Variants in ZNRF2 observed in about 807,000 individuals in gnomAD.
The protein encoded by ZNRF2 is zinc and ring finger 2.
Under a neutral mutation model 20.4 loss-of-function variants are expected in ZNRF2, and 16 were observed. That is an observed-to-expected ratio of 0.79 (90% CI 0.53 to 1.19). ZNRF2 has a LOEUF of 1.19. Among genes scored for constraint, ZNRF2 ranks in the 50% most tolerant of loss-of-function variants. The pLI is 0.00. For synonymous variants in ZNRF2, 178 were observed against 144.9 expected (o/e 1.23, Z -1.64); for missense variants, 363 against 332.4 (o/e 1.09, Z -0.72).
At chr7:30,362,286 AT>A in intron 3 of ZNRF2, 90 bp from the exon 4 acceptor site, 1 of 814,500 alleles carries the variant, frequency 1.2e-6, no homozygotes, top group Middle Eastern at 3.9e-4. Flanking sequence ...TCTGTAAAAA[AT>A]ATATTAAAGT....
At chr7:30,338,340 G>A (rs938321909) in intron 2 of ZNRF2, among the ~76,000 whole-genome samples, 1 of 150,890 alleles carries the variant, frequency 6.6e-6, no homozygotes, top group Non-Finnish European at 1.5e-5. Flanking sequence ...TGTTACATAG[G>A]TATACATGTG....
intron 1 of ZNRF2, among the ~76,000 whole-genome samples, chr7:30,314,536 AAGTT>A (rs1361362079): frequency 3.3e-5 from 5 of 152,042 alleles, no homozygotes; most frequent in Admixed American, 3.3e-4. Flanking sequence ...GATGGACAGA[AAGTT>A]GATTGATGGG....
intron 1 of ZNRF2, among the ~76,000 whole-genome samples, chr7:30,315,386 A>G (rs1382596012): frequency 1.3e-5 from 2 of 152,142 alleles, no homozygotes; most frequent in Admixed American, 1.3e-4. Context: ...ATGCTATGAG[A>G]GAGATCTGGT....
chr7:30,310,853 CCCTGTCCTGTCCTGTCCTGTCCTGT>C (rs70980596), intron 1 of ZNRF2, among the ~76,000 whole-genome samples: 1 of 151,230 alleles, frequency 6.6e-6, no homozygotes, highest in South Asian at 2.1e-4. Context: ...ACATCTGAGC[CCCTGTCCTGTCCTGTCCTGTCCTGT>C]CCTGTCTTGT....
chr7:30,329,580 A>T (rs751461647), intron 2 of ZNRF2, among the ~76,000 whole-genome samples: 2 of 152,126 alleles, frequency 1.3e-5, no homozygotes, highest in Non-Finnish European at 2.9e-5. Context: ...TGCCTGGCTT[A>T]TTTCACTTAA....
At chr7:30,341,048 C>T (rs976341693) in intron 2 of ZNRF2, among the ~76,000 whole-genome samples, 5 of 152,168 alleles carry the variant, frequency 3.3e-5, no homozygotes, top group Non-Finnish European at 7.4e-5. Flanking sequence ...ATAGTATTCT[C>T]TGATGGTAGT....
intron 2 of ZNRF2, 82 bp from the exon 3 acceptor site, chr7:30,355,646 T>G (rs935190027): frequency 8.8e-7 from 1 of 1,135,398 alleles, no homozygotes; most frequent in African/African-American, 1.5e-5. Context: ...ATCACAACTT[T>G]TTATCAGTTA....
At chr7:30,364,304 G>GT (rs1800176538) in intron 4 of ZNRF2, among the ~76,000 whole-genome samples, 1 of 152,180 alleles carries the variant, frequency 6.6e-6, no homozygotes. Context: ...AGACTGCAGA[G>GT]TACTAAAAGA....
intron 1 of ZNRF2, chr7:30,289,008 G>A (rs1798847876): frequency 6.6e-6 from 1 of 152,170 alleles, no homozygotes; most frequent in African/African-American, 2.4e-5. Flanking sequence ...GATGAATTGG[G>A]CTATAGAAAT....
At chr7:30,362,822 C>T (rs1406801413) in intron 4 of ZNRF2, among the ~76,000 whole-genome samples, 1 of 151,698 alleles carries the variant, frequency 6.6e-6, no homozygotes, top group Non-Finnish European at 1.5e-5. Flanking sequence ...GGCTGAGGTA[C>T]AAGAATCACT....
intron 2 of ZNRF2, among the ~76,000 whole-genome samples, chr7:30,347,893 G>C (rs1230150917): frequency 1.3e-5 from 2 of 152,138 alleles, no homozygotes; most frequent in African/African-American, 4.8e-5. Flanking sequence ...AGATTTCTCA[G>C]TTGTTCATGT....
At chr7:30,330,890 A>T (rs1799627245) in intron 2 of ZNRF2, among the ~76,000 whole-genome samples, 1 of 152,072 alleles carries the variant, frequency 6.6e-6, no homozygotes, top group Admixed American at 6.6e-5. Flanking sequence ...CTCTGATTTG[A>T]CGTCTCTGTT....
chr7:30,349,522 TG>T (rs1319924705), intron 2 of ZNRF2, among the ~76,000 whole-genome samples: 1 of 152,072 alleles, frequency 6.6e-6, no homozygotes, highest in East Asian at 1.9e-4. Context: ...AGGTAGGTAC[TG>T]TTATCCTGTT....
intron 2 of ZNRF2, among the ~76,000 whole-genome samples, chr7:30,346,170 ATTTTTTTTTTTTTTTTTT>A (rs70980598): frequency 0.01 from 246 of 23,718 alleles, 1 homozygote; most frequent in African/African-American, 0.017. Context: ...GTTAAGTCTG[ATTTTTTTTTTTTTTTTTT>A]TTTTTTTTTT....
intron 2 of ZNRF2, among the ~76,000 whole-genome samples, chr7:30,331,702 G>A (rs1799637237): frequency 6.6e-6 from 1 of 152,174 alleles, no homozygotes; most frequent in Non-Finnish European, 1.5e-5. Flanking sequence ...GATTGAAAGA[G>A]CGCAGTGATC....
intron 1 of ZNRF2, among the ~76,000 whole-genome samples, chr7:30,321,330 G>A (rs996729140): frequency 1.3e-5 from 2 of 152,062 alleles, no homozygotes; most frequent in Non-Finnish European, 2.9e-5. Context: ...GAATTATTTA[G>A]TGAGAATTGG....
intron 2 of ZNRF2, among the ~76,000 whole-genome samples, chr7:30,330,339 C>T (rs1562614883): frequency 6.6e-6 from 1 of 152,154 alleles, no homozygotes; most frequent in Admixed American, 6.5e-5. Flanking sequence ...CAAGATGTGA[C>T]TATTACCCTG....
chr7:30,359,615 CTTAGT>C (rs1055983166), intron 3 of ZNRF2, among the ~76,000 whole-genome samples: 13 of 152,184 alleles, frequency 8.5e-5, no homozygotes, highest in Admixed American at 4.6e-4. Flanking sequence ...TGTTCTTACT[CTTAGT>C]TTAATTAGAC....
At chr7:30,339,930 C>CT (rs1775136849) in intron 2 of ZNRF2, among the ~76,000 whole-genome samples, 1 of 152,114 alleles carries the variant, frequency 6.6e-6, no homozygotes, top group Non-Finnish European at 1.5e-5. Flanking sequence ...TGTGTCCTCT[C>CT]TTATGTCCTT....
Sources: allele counts gnomAD v4.1 joint callset (sites outside exome capture counted in the v4.1 genomes callset), GRCh38; gene constraint gnomAD v4.1.1; transcripts MANE v1.5; gene names NCBI Gene and HGNC (gene_info 2026-07-23, HGNC 2026-07-21).